The following UMAD1 variants were observed in gnomAD, a reference collection of about 807,000 sequenced individuals.
UMAD1 encodes UBAP1-MVB12-associated (UMA) domain containing 1, also known as UBAP1-MVB12-associated (UMA)-domain containing protein 1.
In UMAD1, 8 loss-of-function variants were observed where a neutral mutation model predicts 6.1. The observed-to-expected ratio is 1.30, with a 90% CI of 0.76 to 2.35. The LOEUF is 2.35. Among genes scored for constraint, UMAD1 ranks in the 30% most tolerant of loss-of-function variants. The pLI is 0.00. For missense variants in UMAD1, 130 were observed against 78.4 expected (o/e 1.66, Z -2.49); for synonymous variants, 56 against 31.4 (o/e 1.78, Z -2.61).
intron 3 of UMAD1, among the ~76,000 whole-genome samples, chr7:7,868,941 G>T (rs1331810363): frequency 6.6e-6 from 1 of 152,164 alleles, no homozygotes; most frequent in African/African-American, 2.4e-5. Flanking sequence ...TGAGCACTTT[G>T]TATATATAGG....
At chr7:7,804,704 G>A (rs967688749) in intron 3 of UMAD1, among the ~76,000 whole-genome samples, 5 of 151,968 alleles carry the variant, frequency 3.3e-5, no homozygotes, top group Non-Finnish European at 7.4e-5. Flanking sequence ...AAATGAGGCC[G>A]GGTGCGGTGG....
rs540292648 is a variant in UMAD1 at position 7,715,003 on chromosome 7, A to G, written c.82+41550A>G. Among the ~76,000 whole-genome samples, 3 of 152,276 alleles carry G rather than the reference A, an allele frequency of 2.0e-5. No homozygotes were observed. In the South Asian group the frequency reaches 6.2e-4, roughly 32 times the overall value. ...GGAATTACAGTTGCCATAGGCAGCAATGAAACTAGAACTAACCAACTGCAG... is the reference window on the plus strand; with the variant it reads ...GGAATTACAGTTGCCATAGGCAGCAGTGAAACTAGAACTAACCAACTGCAG... On this transcript the variant is annotated intron_variant, in intron 2 of 3. Coordinates refer to ENST00000682710, the MANE Select transcript of UMAD1 (RefSeq NM_001302348.2).
chr7:7,663,013 GCC>G (rs1246628821), intron 1 of UMAD1, among the ~76,000 whole-genome samples: 13 of 151,894 alleles, frequency 8.6e-5, no homozygotes, highest in African/African-American at 1.9e-4. Context: ...CTTTGAAAAA[GCC>G]TTTTTTGCCT....
rs1386724477 is a variant in UMAD1 at position 7,647,464 on chromosome 7, G to C, written c.-64+6643G>C. 2.0e-5 allele frequency among the ~76,000 whole-genome samples: 3 copies of C among 152,130 alleles called. No homozygotes were observed. The East Asian group carries it at 5.8e-4, about 29-fold the overall frequency. On this transcript the variant is annotated intron_variant, in intron 1 of 3. Coordinates refer to ENST00000682710, the MANE Select transcript of UMAD1 (RefSeq NM_001302348.2). Reference sequence around the variant, plus strand: ...AAAAAAATGTATTTTCCAGTTGTTGGATCCAGTGTGTAAATTGCACTGTTC... The same window carrying C: ...AAAAAAATGTATTTTCCAGTTGTTGCATCCAGTGTGTAAATTGCACTGTTC...
chr7:7,756,098 G>C (rs1192226109), intron 2 of UMAD1, among the ~76,000 whole-genome samples: 1 of 152,204 alleles, frequency 6.6e-6, no homozygotes, highest in Non-Finnish European at 1.5e-5. Flanking sequence ...ACTATGAAGT[G>C]ATATCAGAGT....
chr7:7,709,081 G>C (rs778084494), intron 2 of UMAD1, among the ~76,000 whole-genome samples: 3 of 152,102 alleles, frequency 2.0e-5, no homozygotes, highest in Non-Finnish European at 2.9e-5. Flanking sequence ...ACATCTTTCA[G>C]TGTCTTGCAT....
rs35368211 is a variant in UMAD1 at position 7,748,103 on chromosome 7, A to ATTTTTTT, written c.83-53559_83-53553dup. On this transcript the variant is annotated intron_variant, in intron 2 of 3. Transcript: ENST00000682710. The stretch of plus-strand genomic sequence containing the variant: ...AGGGGCCTGCCACCACGCCCAGCTA[A>ATTTTTTT]TTTTTTTTTTTTTTGTATTTTCAGT... 7.8e-3 allele frequency among the ~76,000 whole-genome samples: 1,091 copies of ATTTTTTT among 140,134 alleles called. 46 individuals are homozygous for ATTTTTTT. Among genetic ancestry groups the ATTTTTTT allele is most frequent in the African/African-American group, 0.028 (1,001 of 35,886 alleles). The allele number at this position is 140,134 out of a possible 152,430, so 91.9% of individuals were successfully genotyped here. A position where few individuals can be genotyped will look rare whatever the true frequency, so the allele number is the denominator to read the frequency against.
At chr7:7,679,970 T>C (rs1467881506) in intron 2 of UMAD1, among the ~76,000 whole-genome samples, 1 of 152,036 alleles carries the variant, frequency 6.6e-6, no homozygotes, top group Non-Finnish European at 1.5e-5. Flanking sequence ...TTGCAAATAT[T>C]TTCTCCCATT....
chr7:7,874,897 G>A (rs1784388577), intron 3 of UMAD1, among the ~76,000 whole-genome samples: 2 of 152,100 alleles, frequency 1.3e-5, no homozygotes, highest in African/African-American at 4.8e-5. Flanking sequence ...TTGCTCATGT[G>A]TATTCAGTTT....
intron 2 of UMAD1, among the ~76,000 whole-genome samples, chr7:7,761,394 A>G (rs1264347503): frequency 1.4e-5 from 2 of 144,728 alleles, no homozygotes; most frequent in South Asian, 2.2e-4. Context: ...TCTTTAAGAC[A>G]TTTTACTTCC....
At chr7:7,730,650 G>T (rs1781229534) in intron 2 of UMAD1, among the ~76,000 whole-genome samples, 1 of 152,112 alleles carries the variant, frequency 6.6e-6, no homozygotes, top group Non-Finnish European at 1.5e-5. Context: ...GAGCTTAGTG[G>T]CTAGGTTTAA....
chr7:7,858,381 CT>C (rs1167345010), intron 3 of UMAD1, among the ~76,000 whole-genome samples: 1 of 152,158 alleles, frequency 6.6e-6, no homozygotes, highest in Non-Finnish European at 1.5e-5. Flanking sequence ...ATCAACTCAC[CT>C]GCAAAGAGGG....
chr7:7,696,557 T>C (rs1285944817), intron 2 of UMAD1, among the ~76,000 whole-genome samples: 2 of 152,146 alleles, frequency 1.3e-5, no homozygotes, highest in African/African-American at 4.8e-5. Flanking sequence ...GGGAAGTGTA[T>C]TTCTCCCCAG....
intron 1 of UMAD1, among the ~76,000 whole-genome samples, chr7:7,641,979 ATG>A (rs1194949585): frequency 6.6e-6 from 1 of 152,214 alleles, no homozygotes; most frequent in African/African-American, 2.4e-5. Context: ...CAGATGTAGA[ATG>A]TGTGTCAGTG....
intron 2 of UMAD1, among the ~76,000 whole-genome samples, chr7:7,770,649 C>T (rs1172952853): frequency 6.6e-6 from 1 of 151,938 alleles, no homozygotes; most frequent in Non-Finnish European, 1.5e-5. Context: ...GGATTAATTA[C>T]AATTTGACAT....
At chr7:7,867,633 G>C (rs6943155) in intron 3 of UMAD1, among the ~76,000 whole-genome samples, 260 of 152,280 alleles carry the variant, frequency 1.7e-3, no homozygotes, top group African/African-American at 5.2e-3. Context: ...AGCAGACTCA[G>C]TAGAGGGGTG....
chr7:7,800,502 C>T (rs186383501), intron 2 of UMAD1, among the ~76,000 whole-genome samples: 6 of 150,180 alleles, frequency 4.0e-5, no homozygotes, highest in East Asian at 2.0e-4. Flanking sequence ...TGAGTAAGTT[C>T]TTTAGTGGTG....
chr7:7,866,416 C>T (rs1784226184), intron 3 of UMAD1, among the ~76,000 whole-genome samples: 1 of 152,094 alleles, frequency 6.6e-6, no homozygotes, highest in East Asian at 1.9e-4. Flanking sequence ...TTACTTGGCC[C>T]ACGTTTGGGG....
intron 3 of UMAD1, among the ~76,000 whole-genome samples, chr7:7,824,690 T>G (rs1356373336): frequency 1.3e-5 from 2 of 152,184 alleles, no homozygotes; most frequent in African/African-American, 4.8e-5. Context: ...ACTATCATCA[T>G]CATTTTGAAT....
Sources: gnomAD v4.1 joint callset for allele counts (sites outside exome capture counted in the v4.1 genomes callset) on GRCh38, gnomAD v4.1.1 for gene constraint, MANE v1.5 for transcripts, NCBI Gene and HGNC (gene_info 2026-07-23, HGNC 2026-07-21) for gene names.